Variants in FOXP1 observed in about 807,000 individuals in gnomAD.
The protein encoded by FOXP1 is forkhead box P1.
FOXP1 carries 15 observed loss-of-function variants against 98.2 expected under a neutral mutation model. The ratio of observed to expected loss-of-function variants is 0.15; its 90% CI spans 0.10 to 0.24. FOXP1 has a LOEUF of 0.24. FOXP1 is among the 10% of genes least tolerant of loss of function. FOXP1 has a pLI of 1.00. For missense variants in FOXP1, 633 were observed against 848.5 expected, an observed-to-expected ratio of 0.75 and a Z score of 3.15; for synonymous variants, 371 against 314.5, an observed-to-expected ratio of 1.18 and a Z score of -1.90.
intron 2 of FOXP1, chr3:71,571,644 T>A (rs2047347829): frequency 6.6e-6 from 1 of 152,200 alleles, no homozygotes; most frequent in Non-Finnish European, 1.5e-5. Flanking sequence ...CTTTTCTCTT[T>A]CCTCTTAAAT....
rs116537968 is a variant in FOXP1, at chr3:71,117,977, G to A, written c.181-5340C>T. On this transcript the variant is annotated intron_variant, in intron 6 of 20. Transcript: ENST00000649528. ...AAATAAGTGGCTCTCTGAGCTAAAAGAAGAAGTGGGTGGGTCAGGGGGAGT... is the reference window on the plus strand; with the variant it reads ...AAATAAGTGGCTCTCTGAGCTAAAAAAAGAAGTGGGTGGGTCAGGGGGAGT... 5.3e-3 allele frequency among the ~76,000 whole-genome samples: 810 copies of A among 152,304 alleles called. 14 individuals carry two copies. The highest frequency in any genetic ancestry group is 0.019 in the African/African-American group (787 of 41,564).
chr3:71,219,938 C>T (rs544155019), intron 5 of FOXP1, among the ~76,000 whole-genome samples: 2 of 152,280 alleles, frequency 1.3e-5, no homozygotes, highest in East Asian at 3.9e-4. Flanking sequence ...GCTTCTCAGG[C>T]ATGCAGAGTA....
intron 20 of FOXP1, 82 bp downstream of exon 20, chr3:70,965,808 C>T (rs1173486252): frequency 1.5e-6 from 2 of 1,364,032 alleles, no homozygotes; most frequent in East Asian, 4.6e-5. Context: ...TATATAAAGC[C>T]CAGAGAAAGG....
In FOXP1 at chr3:71,124,419, T is replaced by C. The variant is rs550043653; in HGVS notation, c.181-11782A>G. Among the ~76,000 whole-genome samples the C allele has an allele frequency of 8.6e-5, 13 of 152,004 alleles. No homozygotes were observed. In the South Asian group the frequency reaches 2.5e-3, roughly 29 times the overall value. On this transcript the variant is annotated intron_variant, in intron 6 of 20. Transcript: ENST00000649528. ...AAATCCCCAAATAAAAACACCACAATTGTTTACTATAAATACATTGTTTAA... is the reference window on the plus strand; with the variant it reads ...AAATCCCCAAATAAAAACACCACAACTGTTTACTATAAATACATTGTTTAA...
intron 11 of FOXP1, among the ~76,000 whole-genome samples, chr3:71,016,475 C>T (rs1405993754): frequency 6.6e-6 from 1 of 152,116 alleles, no homozygotes; most frequent in Non-Finnish European, 1.5e-5. Flanking sequence ...TTCTTTCAGA[C>T]AAATTATTTT....
chr3:71,529,732 T>TG (rs1165359983), intron 2 of FOXP1, among the ~76,000 whole-genome samples: 2 of 152,198 alleles, frequency 1.3e-5, no homozygotes, highest in Non-Finnish European at 2.9e-5. Flanking sequence ...TCGAGGTTCC[T>TG]GGGGTTGCCA....
chr3:70,972,717 A>C, intron 17 of FOXP1, 41 bp from the exon 18 acceptor site: 1 of 1,606,892 alleles, frequency 6.2e-7, no homozygotes, highest in Non-Finnish European at 8.5e-7. Context: ...CATTTTCTAT[A>C]AGAAAAGACT....
rs541973972 is a variant in FOXP1 at position 71,184,907 on chromosome 3, T to C, written c.180+13295A>G. Among the ~76,000 whole-genome samples the C allele has an allele frequency of 1.2e-4, 19 of 152,236 alleles. No individual in the cohort carries two copies. In the East Asian group the frequency reaches 1.9e-3, roughly 15 times the overall value. Reference sequence around the variant, plus strand: ...CTGCAAAACATAAAAATGATGGTATTAGAGGCTGGGTGTGGTGGCTCACGC... The same window carrying C: ...CTGCAAAACATAAAAATGATGGTATCAGAGGCTGGGTGTGGTGGCTCACGC... On this transcript the variant is annotated intron_variant, in intron 6 of 20. Transcript: ENST00000649528.
At chr3:71,568,653 C>CT (rs35502384) in intron 2 of FOXP1, among the ~76,000 whole-genome samples, 57 of 149,030 alleles carry the variant, frequency 3.8e-4, no homozygotes, top group African/African-American at 1.3e-3. Context: ...AATTTTTTTT[C>CT]TTTTTTTTTT....
chr3:71,164,691 C>T (rs1446431321), intron 6 of FOXP1, among the ~76,000 whole-genome samples: 3 of 152,308 alleles, frequency 2.0e-5, no homozygotes, highest in Non-Finnish European at 4.4e-5. Context: ...AATCTCTTCA[C>T]GTGTACACAT....
chr3:71,488,509 A>G (rs1170063158), intron 3 of FOXP1, among the ~76,000 whole-genome samples: 1 of 152,160 alleles, frequency 6.6e-6, no homozygotes, highest in Non-Finnish European at 1.5e-5. Context: ...ATCCTGAATT[A>G]CTACATTACT....
chr3:71,095,891 G>A (rs2056408224), intron 7 of FOXP1, among the ~76,000 whole-genome samples: 4 of 152,182 alleles, frequency 2.6e-5, no homozygotes, highest in African/African-American at 9.7e-5. Context: ...GAGATGAACT[G>A]TACATTTTAA....
chr3:71,200,535 T>C (rs2063608042), intron 5 of FOXP1, among the ~76,000 whole-genome samples: 1 of 152,144 alleles, frequency 6.6e-6, no homozygotes, highest in Non-Finnish European at 1.5e-5. Context: ...AACGGCAGGC[T>C]CACACTCCAA....
At chr3:71,429,495 A>AGGG (rs1316486471) in intron 3 of FOXP1, among the ~76,000 whole-genome samples, 1 of 6,370 alleles carries the variant, frequency 1.6e-4, no homozygotes, top group Non-Finnish European at 3.6e-4. Flanking sequence ...GGGGGGCGGG[A>AGGG]GGGGGGGTAC....
chr3:71,341,866 T>A (rs1202897049), intron 4 of FOXP1, among the ~76,000 whole-genome samples: 1 of 152,202 alleles, frequency 6.6e-6, no homozygotes, highest in Admixed American at 6.5e-5. Context: ...AGGTTTGAAG[T>A]TGTATTATCT....
At chr3:71,473,798 G>A (rs1326237067) in intron 3 of FOXP1, among the ~76,000 whole-genome samples, 2 of 152,086 alleles carry the variant, frequency 1.3e-5, no homozygotes, top group African/African-American at 4.8e-5. Flanking sequence ...CGACCTGGGA[G>A]GCATCCTGCA....
intron 6 of FOXP1, among the ~76,000 whole-genome samples, chr3:71,183,297 C>A (rs2062441594): frequency 6.6e-6 from 1 of 152,062 alleles, no homozygotes; most frequent in Non-Finnish European, 1.5e-5. Flanking sequence ...AGTTCAAGAC[C>A]AGCCTGGCCA....
At chr3:71,509,134 T>C (rs2042023553) in intron 2 of FOXP1, among the ~76,000 whole-genome samples, 1 of 152,228 alleles carries the variant, frequency 6.6e-6, no homozygotes, top group Non-Finnish European at 1.5e-5. Flanking sequence ...AAGCATTGTA[T>C]TATAATAGAG....
intron 4 of FOXP1, among the ~76,000 whole-genome samples, chr3:71,354,793 T>C (rs570434007): frequency 2.0e-5 from 3 of 152,326 alleles, no homozygotes; most frequent in Admixed American, 2.0e-4. Flanking sequence ...CAAAGTGCTT[T>C]ATACGTACCA....
Sources: gnomAD v4.1 joint callset for allele counts (sites outside exome capture counted in the v4.1 genomes callset) on GRCh38, gnomAD v4.1.1 for gene constraint, MANE v1.5 for transcripts, NCBI Gene and HGNC (gene_info 2026-07-23, HGNC 2026-07-21) for gene names.